Variants in ZBTB16 observed in about 807,000 individuals in gnomAD.
ZBTB16 encodes zinc finger and BTB domain containing 16.
A neutral mutation model predicts 56.8 loss-of-function variants in ZBTB16; 8 were observed. The observed-to-expected ratio is 0.14, with a 90% confidence interval of 0.08 to 0.25. The LOEUF is 0.25. ZBTB16 is among the 10% of genes least tolerant of loss of function. The pLI is 1.00. For synonymous variants in ZBTB16, 363 were observed against 368.5 expected (o/e 0.98, Z 0.17); for missense variants, 625 against 903.0 (o/e 0.69, Z 3.95).
At chr11:114,092,194 GTGTT>G (rs942537908) in intron 2 of ZBTB16, among the ~76,000 whole-genome samples, 7 of 152,248 alleles carry the variant, frequency 4.6e-5, no homozygotes, top group Non-Finnish European at 8.8e-5. Context: ...AAAGGGCACT[GTGTT>G]TGTGCATTCA....
chr11:114,168,362 A>G (rs894513452), intron 3 of ZBTB16, among the ~76,000 whole-genome samples: 13 of 152,236 alleles, frequency 8.5e-5, no homozygotes, highest in African/African-American at 3.1e-4. Context: ...AGCGGGACAC[A>G]TAGCAGGCTC....
chr11:114,228,181 A>T (rs1944367681), intron 4 of ZBTB16, among the ~76,000 whole-genome samples: 1 of 152,224 alleles, frequency 6.6e-6, no homozygotes. Flanking sequence ...ACAAATATCA[A>T]AATATTTTTT....
At chr11:114,182,106 C>A (rs551797528) in intron 3 of ZBTB16, among the ~76,000 whole-genome samples, 200 of 152,298 alleles carry the variant, frequency 1.3e-3, no homozygotes, top group Non-Finnish European at 2.5e-3. Flanking sequence ...GGCTGGAGTG[C>A]AATGGTGTGA....
At chr11:114,133,209 G>A (rs943602423) in intron 2 of ZBTB16, among the ~76,000 whole-genome samples, 3 of 151,960 alleles carry the variant, frequency 2.0e-5, no homozygotes, top group Non-Finnish European at 4.4e-5. Flanking sequence ...CTTGGTGGAC[G>A]GGTCCATTTA....
intron 4 of ZBTB16, chr11:114,188,517 G>A (rs962760410): frequency 2.0e-5 from 3 of 152,192 alleles, no homozygotes; most frequent in African/African-American, 7.2e-5. Flanking sequence ...TTGTTGTGGG[G>A]ATGAAATAAG....
chr11:114,149,593 T>TA (rs749786560), intron 2 of ZBTB16, among the ~76,000 whole-genome samples: 4 of 152,204 alleles, frequency 2.6e-5, no homozygotes, highest in Non-Finnish European at 4.4e-5. Context: ...AGAGCTGTAT[T>TA]AAAAAATAAA....
At chr11:114,171,503 G>A (rs902669419) in intron 3 of ZBTB16, among the ~76,000 whole-genome samples, 9 of 152,196 alleles carry the variant, frequency 5.9e-5, no homozygotes, top group Non-Finnish European at 1.0e-4. Context: ...CCTCTGGCCT[G>A]CTGCCCATCA....
At chr11:114,067,636 G>A (rs1939165796) in intron 2 of ZBTB16, among the ~76,000 whole-genome samples, 2 of 152,104 alleles carry the variant, frequency 1.3e-5, no homozygotes, top group South Asian at 4.2e-4. Flanking sequence ...GGAACTCCTG[G>A]CCTTAAGTGA....
At chr11:114,211,816 A>C (rs1221196864) in intron 4 of ZBTB16, among the ~76,000 whole-genome samples, 1 of 152,082 alleles carries the variant, frequency 6.6e-6, no homozygotes, top group Non-Finnish European at 1.5e-5. Flanking sequence ...GCTCGCGATG[A>C]AAGCTGTAAA....
At chr11:114,185,938 A>ATAGT (rs1565674182) in intron 3 of ZBTB16, among the ~76,000 whole-genome samples, 1 of 152,222 alleles carries the variant, frequency 6.6e-6, no homozygotes, top group Non-Finnish European at 1.5e-5. Context: ...TTATTCCACA[A>ATAGT]ATATGTATAG....
chr11:114,248,818 G>C (rs1012647578), intron 6 of ZBTB16, among the ~76,000 whole-genome samples: 1 of 152,218 alleles, frequency 6.6e-6, no homozygotes, highest in Non-Finnish European at 1.5e-5. Context: ...TTAGCCCCTT[G>C]TCAGGGATGT....
chr11:114,156,078 A>AT (rs1359027509), intron 2 of ZBTB16, among the ~76,000 whole-genome samples: 2 of 151,838 alleles, frequency 1.3e-5, no homozygotes, highest in Admixed American at 1.3e-4. Context: ...ATTGGATCTG[A>AT]TTTTTTTTCT....
intron 2 of ZBTB16, among the ~76,000 whole-genome samples, chr11:114,073,387 A>G (rs1003833902): frequency 6.6e-6 from 1 of 152,192 alleles, no homozygotes; most frequent in African/African-American, 2.4e-5. Context: ...CATGCTGTTA[A>G]TTTCATGCCA....
At chr11:114,090,527 G>A (rs754618348) in intron 2 of ZBTB16, among the ~76,000 whole-genome samples, 4 of 152,194 alleles carry the variant, frequency 2.6e-5, no homozygotes, top group Non-Finnish European at 5.9e-5. Flanking sequence ...TCATAAACAC[G>A]TGTGGACTTT....
intron 5 of ZBTB16, 142 bp downstream of exon 5, chr11:114,242,479 G>T (rs889296083): frequency 8.1e-7 from 1 of 1,227,442 alleles, no homozygotes; most frequent in Non-Finnish European, 1.2e-6. Flanking sequence ...GAGGCTGCCC[G>T]TCGTGCAGGT....
intron 2 of ZBTB16, among the ~76,000 whole-genome samples, chr11:114,128,497 C>T (rs1295267641): frequency 1.3e-5 from 2 of 150,370 alleles, no homozygotes; most frequent in African/African-American, 4.9e-5. Flanking sequence ...AACATCTGAC[C>T]TTTAGTTTTT....
intron 4 of ZBTB16, among the ~76,000 whole-genome samples, chr11:114,231,779 GA>G (rs1365563032): frequency 3.9e-5 from 6 of 152,166 alleles, no homozygotes; most frequent in Non-Finnish European, 7.3e-5. Flanking sequence ...CTTTGAAAGA[GA>G]AAATGCTGAC....
At chr11:114,188,825 T>C (rs1370338141) in intron 4 of ZBTB16, 1 of 152,186 alleles carries the variant, frequency 6.6e-6, no homozygotes, top group Non-Finnish European at 1.5e-5. Flanking sequence ...AAAGAAATAT[T>C]GTGGATATTT....
intron 4 of ZBTB16, among the ~76,000 whole-genome samples, chr11:114,203,620 A>G (rs959818158): frequency 3.5e-5 from 5 of 143,784 alleles, no homozygotes; most frequent in African/African-American, 1.3e-4. Context: ...GTGGAATTTT[A>G]TGGTACATGA....
Sources: gnomAD v4.1 joint callset for allele counts (sites outside exome capture counted in the v4.1 genomes callset) on GRCh38, gnomAD v4.1.1 for gene constraint, MANE v1.5 for transcripts, NCBI Gene and HGNC (gene_info 2026-07-23, HGNC 2026-07-21) for gene names.